Variants in LRRTM4 observed in about 807,000 individuals in gnomAD.
LRRTM4 encodes leucine rich repeat transmembrane neuronal 4.
LRRTM4 carries 25 observed loss-of-function variants against 47.6 expected under a neutral mutation model. That is an observed-to-expected ratio of 0.53 (90% CI 0.38 to 0.73). The LOEUF is 0.73. LRRTM4 is among the 30% of genes least tolerant of loss of function. The pLI, the probability that LRRTM4 is intolerant of heterozygous loss-of-function variation, is 0.00. For synonymous variants in LRRTM4, 311 were observed against 269.5 expected, an observed-to-expected ratio of 1.15 and a Z score of -1.51; for missense variants, 638 against 713.4, an observed-to-expected ratio of 0.89 and a Z score of 1.20.
intron 3 of LRRTM4, among the ~76,000 whole-genome samples, chr2:77,459,980 T>A (rs1023271463): frequency 1.1e-4 from 16 of 150,774 alleles, no homozygotes; most frequent in African/African-American, 3.9e-4. Flanking sequence ...TCCCAATCTA[T>A]TCTAAGATCA....
At chr2:76,996,952 G>C (rs1023477197) in intron 3 of LRRTM4, among the ~76,000 whole-genome samples, 2 of 152,068 alleles carry the variant, frequency 1.3e-5, no homozygotes, top group Admixed American at 1.3e-4. Flanking sequence ...CACATATCAA[G>C]CCTGGCAAAT....
At chr2:77,404,412 A>G (rs932828886) in intron 3 of LRRTM4, among the ~76,000 whole-genome samples, 13 of 152,052 alleles carry the variant, frequency 8.5e-5, no homozygotes, top group African/African-American at 2.9e-4. Flanking sequence ...ATTTTACTAT[A>G]GTAATTTTGT....
intron 3 of LRRTM4, among the ~76,000 whole-genome samples, chr2:77,041,527 C>G (rs1345529593): frequency 6.6e-6 from 1 of 151,416 alleles, no homozygotes; most frequent in Non-Finnish European, 1.5e-5. Flanking sequence ...GCATTCCCAC[C>G]AACAATGTAT....
intron 3 of LRRTM4, among the ~76,000 whole-genome samples, chr2:77,422,637 A>G (rs1212356317): frequency 6.6e-6 from 1 of 152,202 alleles, no homozygotes; most frequent in African/African-American, 2.4e-5. Flanking sequence ...TTTGACTATG[A>G]TATTGAGAAA....
chr2:77,170,233 T>A lies in LRRTM4; in HGVS notation c.1551+348085A>T, dbSNP rs555051139. On this transcript the variant is annotated intron_variant, in intron 3 of 3. Coordinates refer to ENST00000409884, the MANE Select transcript of LRRTM4 (RefSeq NM_001134745.3). ...GGGAAGAGGAAGGCAGAAGAGTAGA[T>A]TAAAGAGATGTATGTGAGAAAAACT... Among the ~76,000 whole-genome samples, 4 of 152,170 alleles carry A rather than the reference T, an allele frequency of 2.6e-5. No homozygotes were observed. The East Asian group carries it at 7.7e-4, about 29-fold the overall frequency.
chr2:77,079,200 T>C (rs1680446512), intron 3 of LRRTM4, among the ~76,000 whole-genome samples: 1 of 152,374 alleles, frequency 6.6e-6, no homozygotes, highest in Middle Eastern at 3.4e-3. Flanking sequence ...GTAATAGATT[T>C]GTACTTTATG....
intron 3 of LRRTM4, among the ~76,000 whole-genome samples, chr2:76,975,590 T>C (rs1488921730): frequency 6.6e-6 from 1 of 151,548 alleles, no homozygotes; most frequent in Non-Finnish European, 1.5e-5. Context: ...ATGTTCAAAA[T>C]AAAAGAAAAT....
intron 3 of LRRTM4, among the ~76,000 whole-genome samples, chr2:77,166,708 T>G (rs1335595214): frequency 6.6e-5 from 10 of 151,872 alleles, no homozygotes; most frequent in Non-Finnish European, 1.2e-4. Flanking sequence ...AATGGGGAAA[T>G]GATTCCCTAT....
chr2:76,846,467 T>G (rs2103955050), intron 3 of LRRTM4, among the ~76,000 whole-genome samples: 1 of 152,314 alleles, frequency 6.6e-6, no homozygotes, highest in African/African-American at 2.4e-5. Flanking sequence ...ATTTATATCA[T>G]TTTACATGTA....
intron 3 of LRRTM4, among the ~76,000 whole-genome samples, chr2:76,767,628 G>T (rs1369250772): frequency 6.6e-6 from 1 of 152,126 alleles, no homozygotes; most frequent in Non-Finnish European, 1.5e-5. Context: ...GATTTTCAGG[G>T]TAGCATTCAA....
chr2:76,978,134 CTTTCT>C (rs1676479454), intron 3 of LRRTM4, among the ~76,000 whole-genome samples: 1 of 151,966 alleles, frequency 6.6e-6, no homozygotes, highest in East Asian at 1.9e-4. Context: ...TCATAGTTTT[CTTTCT>C]TTTATGAGCC....
rs962032670 is a variant in LRRTM4 at position 76,873,149 on chromosome 2, G to T, written c.1552-124233C>A. On this transcript the variant is annotated intron_variant, in intron 3 of 3. Coordinates refer to ENST00000409884, the MANE Select transcript of LRRTM4 (RefSeq NM_001134745.3). ...TATACAGTAATTTATGACATAAACG[G>T]TACACAAAAATCTGTCTTTGTAGAC... Among the ~76,000 whole-genome samples, 44 of 151,848 alleles carry T rather than the reference G, an allele frequency of 2.9e-4. 1 individual carries two copies. The highest frequency in any genetic ancestry group is 7.4e-5 in the Non-Finnish European group (5 of 67,988).
intron 3 of LRRTM4, among the ~76,000 whole-genome samples, chr2:77,138,720 C>T (rs1572999852): frequency 6.6e-6 from 1 of 151,848 alleles, no homozygotes. Flanking sequence ...ATTGATAGAC[C>T]ACTAGCAAGA....
intron 3 of LRRTM4, among the ~76,000 whole-genome samples, chr2:77,411,451 CT>C (rs138496739): frequency 2.3e-3 from 268 of 116,016 alleles, no homozygotes; most frequent in African/African-American, 6.4e-3. Context: ...TCTCTTTCTT[CT>C]TTTTTTTTTT....
At position 77,413,985 on chromosome 2, in the gene LRRTM4, T is replaced by G. The variant is rs535214271; in HGVS notation, c.1551+104333A>C. Among the ~76,000 whole-genome samples, 3 of 152,270 alleles carry G rather than the reference T, an allele frequency of 2.0e-5. No homozygotes were observed. The East Asian group carries it at 5.8e-4, about 30-fold the overall frequency. ...AGACTTTCCTGTAAGCAGAGTTCAC[T>G]ACAAATCCGATTCATTACACTGGAA... On this transcript the variant is annotated intron_variant, in intron 3 of 3. Coordinates refer to ENST00000409884, the MANE Select transcript of LRRTM4 (RefSeq NM_001134745.3).
intron 3 of LRRTM4, among the ~76,000 whole-genome samples, chr2:76,988,286 GAA>G (rs1676874174): frequency 6.6e-6 from 1 of 151,858 alleles, no homozygotes; most frequent in African/African-American, 2.4e-5. Context: ...CACAAGGAAA[GAA>G]AAGAGTAGAA....
At chr2:77,483,526 A>T (rs551994078) in intron 3 of LRRTM4, among the ~76,000 whole-genome samples, 1 of 152,258 alleles carries the variant, frequency 6.6e-6, no homozygotes, top group African/African-American at 2.4e-5. Flanking sequence ...TTTTTAGTAG[A>T]GACGGAGTTT....
intron 3 of LRRTM4, among the ~76,000 whole-genome samples, chr2:77,163,444 G>A (rs1672788912): frequency 6.6e-6 from 1 of 152,100 alleles, no homozygotes; most frequent in Non-Finnish European, 1.5e-5. Context: ...TAACAAGGCA[G>A]GCCAACATTC....
intron 3 of LRRTM4, among the ~76,000 whole-genome samples, chr2:77,489,337 C>A (rs1398960708): frequency 1.3e-5 from 2 of 152,184 alleles, no homozygotes; most frequent in Non-Finnish European, 2.9e-5. Context: ...ATTTATTGGT[C>A]TTCCTTAGCA....
Sources: allele counts gnomAD v4.1 joint callset (sites outside exome capture counted in the v4.1 genomes callset), GRCh38; gene constraint gnomAD v4.1.1; transcripts MANE v1.5; gene names NCBI Gene and HGNC (gene_info 2026-07-23, HGNC 2026-07-21).